CLVS1: variants seen among roughly 807,000 people sequenced by gnomAD.
CLVS1 encodes clavesin 1.
Under a neutral mutation model 33.1 loss-of-function variants are expected in CLVS1, and 10 were observed. That is an observed-to-expected ratio of 0.30 (90% confidence interval 0.19 to 0.51). The LOEUF is 0.51. Among genes scored for constraint, CLVS1 ranks in the 20% least tolerant of loss-of-function variants. The pLI is 0.97. For missense variants in CLVS1, 343 were observed against 433.4 expected (o/e 0.79, Z 1.85); for synonymous variants, 163 against 166.1 (o/e 0.98, Z 0.14).
rs894480577 is a variant in CLVS1, at chr8:61,117,961, T to C, written c.-242-13809T>C. On this transcript the variant is annotated intron_variant, in intron 1 of 2. Coordinates refer to the CLVS1 transcript ENST00000522621. ...CAGAAGGAATGGTACCAGTTCCTCC[T>C]TGTACCTCTGGTAGACTTCGGCTGT... Among the ~76,000 whole-genome samples the C allele has an allele frequency of 1.1e-4, 16 of 152,350 alleles. 1 individual carries two copies. The highest frequency in any genetic ancestry group is 2.1e-4 in the South Asian group (1 of 4,824).
intron 1 of CLVS1, among the ~76,000 whole-genome samples, chr8:61,289,513 G>A (rs544657225): frequency 9.8e-5 from 15 of 152,292 alleles, no homozygotes; most frequent in African/African-American, 3.6e-4. Context: ...TTACTGAACA[G>A]TAAAGCATTG....
intron 3 of CLVS1, among the ~76,000 whole-genome samples, chr8:61,382,651 C>A (rs2220766): frequency 0.57 from 86,665 of 152,078 alleles, 29,036 homozygotes; most frequent in Non-Finnish European, 0.73. Context: ...CGCAGATGCC[C>A]CTGGAGGGTT....
At chr8:61,430,853 A>T (rs989227760) in intron 3 of CLVS1, among the ~76,000 whole-genome samples, 8 of 152,172 alleles carry the variant, frequency 5.3e-5, no homozygotes, top group African/African-American at 1.4e-4. Flanking sequence ...CAGGAGGTTC[A>T]GTTCTTCTGT....
intron 3 of CLVS1, among the ~76,000 whole-genome samples, chr8:61,395,519 G>T (rs1814491057): frequency 6.6e-6 from 1 of 152,168 alleles, no homozygotes; most frequent in African/African-American, 2.4e-5. Context: ...TAATTAGCTT[G>T]ATTGAATCAT....
chr8:61,200,635 G>C (rs951448384), intron 2 of CLVS1, among the ~76,000 whole-genome samples: 2 of 152,144 alleles, frequency 1.3e-5, no homozygotes. Flanking sequence ...CTGGTCCAAA[G>C]GAATGCACAT....
At chr8:61,441,337 A>T (rs1253701522) in intron 3 of CLVS1, among the ~76,000 whole-genome samples, 2 of 152,172 alleles carry the variant, frequency 1.3e-5, no homozygotes, top group African/African-American at 4.8e-5. Context: ...GAGACAGAAG[A>T]TTTCAAAGTC....
chr8:61,095,095 T>C (rs1805324428), intron 1 of CLVS1, among the ~76,000 whole-genome samples: 1 of 152,246 alleles, frequency 6.6e-6, no homozygotes, highest in Non-Finnish European at 1.5e-5. Flanking sequence ...ATTAAGTCTC[T>C]ATCTCCTTTC....
chr8:61,487,836 C>A (rs1327331081), intron 5 of CLVS1, among the ~76,000 whole-genome samples: 1 of 152,220 alleles, frequency 6.6e-6, no homozygotes, highest in Admixed American at 6.5e-5. Flanking sequence ...CACTAGCCAT[C>A]CTTTTCAAAC....
In CLVS1 at chr8:61,458,487, G is replaced by T. The variant is rs748171979; in HGVS notation, c.922G>T (p.Val308Leu). The T allele has an allele frequency of 3.7e-6, 6 of 1,613,776 alleles. No individual in the cohort carries two copies. The highest frequency in any genetic ancestry group is 5.1e-6 in the Non-Finnish European group (6 of 1,179,942). ...TCACACATCCTATAATGCAATGCAC[G>T]TGAAGCATACGTCCTCGAATCTGGA... ...YTHTSYNAMH[V>L]KHTSSNLERE... The change falls in exon 5 of 6, where the codon GTG (valine) becomes TTG (leucine). Residue 308 changes from valine (V) to leucine (L), a missense_variant. Coordinates refer to ENST00000325897, the MANE Select transcript of CLVS1 (RefSeq NM_173519.3).
intron 2 of CLVS1, among the ~76,000 whole-genome samples, chr8:61,258,090 T>G (rs1809124213): frequency 6.6e-6 from 1 of 152,188 alleles, no homozygotes; most frequent in Admixed American, 6.5e-5. Flanking sequence ...CCAGCCAATC[T>G]TCTCTTCTCT....
chr8:60,993,333 T>C, the CLVS1 span, among the ~76,000 whole-genome samples: 1 of 152,234 alleles, frequency 6.6e-6, no homozygotes, highest in African/African-American at 2.4e-5. Context: ...CTATGCTTCA[T>C]TTCTGTCACG....
chr8:61,367,154 G>C (rs559477113), intron 2 of CLVS1, among the ~76,000 whole-genome samples: 2 of 152,050 alleles, frequency 1.3e-5, no homozygotes, highest in South Asian at 2.1e-4. Flanking sequence ...GGAGCTGCTC[G>C]ACTCCAGTCC....
intron 1 of CLVS1, 54 bp downstream of exon 1, chr8:61,288,192 C>T (rs1261835411): frequency 2.6e-5 from 12 of 456,182 alleles, no homozygotes; most frequent in South Asian, 1.4e-4. Context: ...CCCGCCTTTC[C>T]CCCGCTCTTT....
chr8:61,484,149 A>C (rs571186953), intron 5 of CLVS1, among the ~76,000 whole-genome samples: 4 of 152,330 alleles, frequency 2.6e-5, no homozygotes, highest in Non-Finnish European at 5.9e-5. Flanking sequence ...GAGGAAGTCA[A>C]ATTGTTCCTG....
chr8:61,175,984 C>T (rs1807105461), intron 2 of CLVS1, among the ~76,000 whole-genome samples: 1 of 152,192 alleles, frequency 6.6e-6, no homozygotes, highest in East Asian at 1.9e-4. Flanking sequence ...TACTTCCTGA[C>T]TTGCCAACTT....
intron 2 of CLVS1, among the ~76,000 whole-genome samples, chr8:61,206,299 C>G (rs971585153): frequency 6.6e-6 from 1 of 152,140 alleles, no homozygotes. Flanking sequence ...CGTCATTAAT[C>G]CAATGAGTAT....
chr8:61,352,241 A>G (rs1443185386), intron 2 of CLVS1, among the ~76,000 whole-genome samples: 2 of 152,034 alleles, frequency 1.3e-5, no homozygotes, highest in Non-Finnish European at 2.9e-5. Context: ...GCCTAGAGCA[A>G]TCACTATGAA....
chr8:61,180,112 G>GA (rs1424007806), intron 2 of CLVS1, among the ~76,000 whole-genome samples: 2 of 151,754 alleles, frequency 1.3e-5, no homozygotes, highest in Non-Finnish European at 2.9e-5. Flanking sequence ...TAAAGAAGAA[G>GA]AGAGAGAAGA....
chr8:61,431,195 CT>C (rs1236298482), intron 3 of CLVS1, among the ~76,000 whole-genome samples: 3 of 151,732 alleles, frequency 2.0e-5, no homozygotes, highest in Admixed American at 6.6e-5. Flanking sequence ...TTTTCTAGAA[CT>C]TTTTTTTTCT....
Sources: allele counts gnomAD v4.1 joint callset (sites outside exome capture counted in the v4.1 genomes callset), GRCh38; gene constraint gnomAD v4.1.1; transcripts MANE v1.5; gene names NCBI Gene and HGNC (gene_info 2026-07-23, HGNC 2026-07-21).